Variants in ALS2 observed in about 807,000 individuals in gnomAD.
ALS2 encodes alsin Rho guanine nucleotide exchange factor ALS2, also known as alsin.
In ALS2, 117 loss-of-function variants were observed where a neutral mutation model predicts 203.4. The ratio of observed to expected loss-of-function variants is 0.58; its 90% confidence interval spans 0.50 to 0.67. The LOEUF is 0.67. Ranked by LOEUF, ALS2 falls within the 30% of genes least tolerant of loss-of-function variation. The pLI is 0.00. For missense variants in ALS2, 1,715 were observed against 1,989.4 expected (o/e 0.86, Z 2.62); for synonymous variants, 718 against 725.9 (o/e 0.99, Z 0.17).
chr2:201,704,254 A>C, intron 32 of ALS2, 36 bp from the exon 33 acceptor site: 1 of 1,575,554 alleles, frequency 6.3e-7, no homozygotes, highest in Non-Finnish European at 8.7e-7. Flanking sequence ...AGTTATTTTC[A>C]CTTACATGTC....
At chr2:201,720,199 A>G in intron 23 of ALS2, 1 of 386,502 alleles carries the variant, frequency 2.6e-6, no homozygotes, top group Non-Finnish European at 4.9e-6. Flanking sequence ...ATAAATATGA[A>G]TGCAAAAATC....
intron 9 of ALS2, among the ~76,000 whole-genome samples, chr2:201,745,495 G>A (rs1394912636): frequency 6.6e-6 from 1 of 152,120 alleles, no homozygotes; most frequent in Non-Finnish European, 1.5e-5. Context: ...AGTTTTGGGG[G>A]TTAATTTCCC....
intron 1 of ALS2, among the ~76,000 whole-genome samples, chr2:201,773,025 C>T (rs2106112758): frequency 6.6e-6 from 1 of 152,010 alleles, no homozygotes; most frequent in African/African-American, 2.4e-5. Context: ...CCACACCTGG[C>T]TAATTTTTGT....
intron 12 of ALS2, among the ~76,000 whole-genome samples, chr2:201,737,779 C>T (rs899203717): frequency 5.9e-5 from 9 of 151,918 alleles, no homozygotes; most frequent in African/African-American, 1.7e-4. Flanking sequence ...AAAATTAGTT[C>T]GGGGTGGTGG....
At chr2:201,731,001 T>C (rs1029835718) in intron 13 of ALS2, among the ~76,000 whole-genome samples, 16 of 152,210 alleles carry the variant, frequency 1.1e-4, no homozygotes, top group Non-Finnish European at 1.8e-4. Context: ...CTTGAAATAG[T>C]CTTTGGAAGC....
rs1689551469 is a variant in ALS2 at position 201,704,148 on chromosome 2, G to A, written c.4909C>T (p.Gln1637Ter). Reference protein sequence around the residue: ...LMDPYLQHGEQGIMFTTLKAC... With the variant: ...LMDPYLQHGE ...TTCAAGGTGGTGAACATTATACCCT[G>A]TTCCCCATGCTGAAGATAGGGGTCC... The change falls in exon 33 of 34, where the codon CAG becomes TAG. Residue 1637 changes from glutamine (Q) to a stop codon, truncating the protein, a stop_gained. Coordinates refer to ENST00000264276, the MANE Select transcript of ALS2 (RefSeq NM_020919.4). LOFTEE classifies it high-confidence loss of function. The A allele has an allele frequency of 6.2e-7, 1 of 1,613,752 alleles. No homozygotes were observed. The highest frequency in any genetic ancestry group is 8.5e-7 in the Non-Finnish European group (1 of 1,179,788).
At chr2:201,743,775 G>A (rs1254317549) in intron 10 of ALS2, among the ~76,000 whole-genome samples, 3 of 152,054 alleles carry the variant, frequency 2.0e-5, no homozygotes, top group Non-Finnish European at 2.9e-5. Flanking sequence ...AAGCCCAGTC[G>A]GATAAGAGCT....
intron 7 of ALS2, 27 bp downstream of exon 7, chr2:201,753,119 T>C (rs762167083): frequency 6.4e-7 from 1 of 1,573,486 alleles, no homozygotes; most frequent in Non-Finnish European, 8.7e-7. Context: ...GAAAATAAGG[T>C]AAAGCATTTA....
intron 24 of ALS2, 112 bp from the exon 25 acceptor site, chr2:201,715,951 G>A: frequency 9.3e-7 from 1 of 1,075,404 alleles, no homozygotes; most frequent in Non-Finnish European, 1.4e-6. Context: ...GACCAAAACT[G>A]CCAAGACTGA....
At chr2:201,715,963 G>A (rs1690365490) in intron 24 of ALS2, 124 bp from the exon 25 acceptor site, 1 of 954,848 alleles carries the variant, frequency 1.0e-6, no homozygotes, top group Non-Finnish European at 1.7e-6. Context: ...CAAGACTGAT[G>A]GTAATTCTAT....
At position 201,705,330 on chromosome 2, in the gene ALS2, C is replaced by T. The variant is rs980810858; in HGVS notation, c.4626+86G>A. On this transcript the variant is annotated intron_variant, in intron 30 of 33. Transcript: ENST00000264276. ...AACACAAGCTTGGGTACTGTTCTAT[C>T]AAAGTAAAATGAAAAAGTTTTGCTA... 11 of 1,505,808 alleles carry T rather than the reference C, an allele frequency of 7.3e-6. No individual in the cohort carries two copies. The African/African-American group carries it at 1.4e-4, about 19-fold the overall frequency. The allele number at this position is 1,505,808 out of a possible 1,614,324, so 93.3% of individuals were successfully genotyped here.
intron 4 of ALS2, 30 bp downstream of exon 4, chr2:201,760,851 C>T (rs1484717781): frequency 1.2e-6 from 2 of 1,600,594 alleles, no homozygotes; most frequent in East Asian, 2.2e-5. Context: ...ACTCTAGACA[C>T]ACTTTTATTT....
chr2:201,704,686 T>C, intron 31 of ALS2, 83 bp from the exon 32 acceptor site: 1 of 1,492,630 alleles, frequency 6.7e-7, no homozygotes, highest in South Asian at 1.1e-5. Flanking sequence ...CAATATTCCC[T>C]CCTGGGATTC....
At chr2:201,732,326 G>A (rs570343367) in intron 13 of ALS2, among the ~76,000 whole-genome samples, 39 of 151,470 alleles carry the variant, frequency 2.6e-4, no homozygotes, top group African/African-American at 9.0e-4. Context: ...GGCCAAGGCA[G>A]GCCAATCACT....
intron 10 of ALS2, among the ~76,000 whole-genome samples, chr2:201,742,634 A>G (rs1030351732): frequency 6.6e-6 from 1 of 152,214 alleles, no homozygotes; most frequent in African/African-American, 2.4e-5. Context: ...GAGGAGGGGA[A>G]TTTATAGAAC....
Position 201,767,245 on chromosome 2 carries a change from T to G in ALS2, c.159A>C (p.Gly53=). 2 of 1,614,070 alleles carry G rather than the reference T, an allele frequency of 1.2e-6. No homozygotes were observed. Among genetic ancestry groups the G allele is most frequent in the African/African-American group, 1.3e-5 (1 of 74,998 alleles). ...TTTCATTACCTTCAGTCAGAAGAACTCCATGTTTCACTCCGAGGGCTGCCT... is the reference window on the plus strand; with the variant it reads ...TTTCATTACCTTCAGTCAGAAGAACGCCATGTTTCACTCCGAGGGCTGCCT... ...VLQAALGVKH[G]VLLTEDGEVY... is the part of the protein sequence containing the mutation. Residue 53 remains glycine, a synonymous_variant, in exon 3 of 34, where the codon GGA becomes GGC. Transcript: ENST00000264276.
intron 11 of ALS2, chr2:201,741,094 A>G (rs1054454838): frequency 6.5e-6 from 1 of 154,732 alleles, no homozygotes; most frequent in Non-Finnish European, 1.4e-5. Flanking sequence ...ATATCAAAAT[A>G]CAAGTTAAGA....
chr2:201,739,234 C>T (rs1370474027), intron 11 of ALS2, among the ~76,000 whole-genome samples: 1 of 79,856 alleles, frequency 1.3e-5, no homozygotes, highest in African/African-American at 6.2e-5. Flanking sequence ...CGACTGTCTC[C>T]CAAAAAAAAA....
intron 7 of ALS2, among the ~76,000 whole-genome samples, chr2:201,752,358 A>C (rs1219012834): frequency 1.3e-5 from 2 of 152,110 alleles, no homozygotes; most frequent in African/African-American, 4.8e-5. Context: ...GTTTTGTTTT[A>C]TTATATGTAT....
Sources: allele counts gnomAD v4.1 joint callset (sites outside exome capture counted in the v4.1 genomes callset), GRCh38; gene constraint gnomAD v4.1.1; transcripts MANE v1.5; gene names NCBI Gene and HGNC (gene_info 2026-07-23, HGNC 2026-07-21).